WWOX: variants seen among roughly 807,000 people sequenced by gnomAD.
WWOX encodes WW domain-containing oxidoreductase.
A neutral mutation model predicts 46.2 loss-of-function variants in WWOX; 69 were observed. The ratio of observed to expected loss-of-function variants is 1.49; its 90% CI spans 1.23 to 1.82. The LOEUF (loss-of-function observed/expected upper bound fraction) is 1.82. Ranked by LOEUF, WWOX falls within the 40% of genes most tolerant of loss-of-function variation. The pLI, the probability that WWOX is intolerant of heterozygous loss-of-function variation, is 0.00. For synonymous variants in WWOX, 359 were observed against 202.6 expected (o/e 1.77, Z -6.56); for missense variants, 919 against 542.6 (o/e 1.69, Z -6.89).
At chr16:78,144,446 TACACATATATATATATACAC>T (rs1374069843) in intron 4 of WWOX, among the ~76,000 whole-genome samples, 11 of 9,954 alleles carry the variant, frequency 1.1e-3, no homozygotes, top group Non-Finnish European at 1.2e-3. Flanking sequence ...TATATATATA[TACACATATATATATATACAC>T]ACATATATAT....
At chr16:79,135,322 T>A (rs913309694) in intron 8 of WWOX, among the ~76,000 whole-genome samples, 1 of 152,228 alleles carries the variant, frequency 6.6e-6, no homozygotes, top group Admixed American at 6.5e-5. Context: ...TCTATACCTT[T>A]CCTTTTCCCA....
At chr16:79,167,851 C>T (rs1271067865) in intron 8 of WWOX, among the ~76,000 whole-genome samples, 1 of 152,168 alleles carries the variant, frequency 6.6e-6, no homozygotes, top group Non-Finnish European at 1.5e-5. Context: ...AGTTTCAAAA[C>T]TTTGTCATCA....
In WWOX at chr16:79,212,017, TCTTTG is replaced by T. The variant is rs2051778042; in HGVS notation, c.*226_*230del. On this transcript the variant is annotated 3_prime_UTR_variant, in exon 9 of 9. Transcript: ENST00000566780. ...TCTGGGGCTGGGCTAGGCATAGGTC[TCTTTG>T]CTTTCTGGTGGTGGCCTGTTTGAAA... The T allele has an allele frequency of 6.5e-7, 1 of 1,536,148 alleles. No individual in the cohort carries two copies. The highest frequency in any genetic ancestry group is 1.2e-5 in the South Asian group (1 of 84,064).
chr16:79,158,873 G>C (rs1276160120), intron 8 of WWOX, among the ~76,000 whole-genome samples: 2 of 152,184 alleles, frequency 1.3e-5, no homozygotes, highest in Admixed American at 6.5e-5. Flanking sequence ...GTGACAACAA[G>C]GACCTAGGTC....
At chr16:78,589,658 T>C (rs1597314116) in intron 8 of WWOX, among the ~76,000 whole-genome samples, 3 of 152,338 alleles carry the variant, frequency 2.0e-5, no homozygotes, top group Admixed American at 6.5e-5. Context: ...TAGCCCATAA[T>C]TGGGTGATAA....
At chr16:78,954,145 C>G (rs983886829) in intron 8 of WWOX, among the ~76,000 whole-genome samples, 1 of 152,100 alleles carries the variant, frequency 6.6e-6, no homozygotes, top group Non-Finnish European at 1.5e-5. Context: ...ATAAAAATGT[C>G]TGTCAGAGTA....
chr16:78,470,471 C>T (rs2084194997), intron 8 of WWOX, among the ~76,000 whole-genome samples: 1 of 152,182 alleles, frequency 6.6e-6, no homozygotes, highest in Admixed American at 6.5e-5. Flanking sequence ...CGATTTCATC[C>T]TCATGGGGAA....
At chr16:78,778,141 T>A (rs546935615) in intron 8 of WWOX, among the ~76,000 whole-genome samples, 147 of 152,206 alleles carry the variant, frequency 9.7e-4, no homozygotes, top group African/African-American at 3.4e-3. Context: ...AAACTGGTGA[T>A]GATCCCCACC....
At chr16:78,865,653 G>A (rs1042297988) in intron 8 of WWOX, among the ~76,000 whole-genome samples, 2 of 152,196 alleles carry the variant, frequency 1.3e-5, no homozygotes, top group Non-Finnish European at 2.9e-5. Flanking sequence ...GCTGAGGTGG[G>A]TGGATCACCT....
intron 5 of WWOX, among the ~76,000 whole-genome samples, chr16:78,166,277 A>T (rs150142789): frequency 2.6e-4 from 40 of 152,090 alleles, no homozygotes; most frequent in African/African-American, 9.6e-4. Context: ...TGCTATAACC[A>T]GTCTTCCCTT....
At chr16:78,304,816 T>C (rs1312523337) in intron 5 of WWOX, among the ~76,000 whole-genome samples, 1 of 152,228 alleles carries the variant, frequency 6.6e-6, no homozygotes, top group Non-Finnish European at 1.5e-5. Flanking sequence ...AGAGGAATTC[T>C]GTACAATATG....
At chr16:78,862,120 G>C (rs554557892) in intron 8 of WWOX, among the ~76,000 whole-genome samples, 1 of 151,806 alleles carries the variant, frequency 6.6e-6, no homozygotes, top group Non-Finnish European at 1.5e-5. Context: ...ACACCTATGG[G>C]TGTGTCTATC....
chr16:78,456,798 C>T (rs1327138670), intron 8 of WWOX, among the ~76,000 whole-genome samples: 2 of 152,162 alleles, frequency 1.3e-5, no homozygotes, highest in African/African-American at 2.4e-5. Context: ...AGTGCTGTGG[C>T]TTTTTAGTGA....
intron 8 of WWOX, among the ~76,000 whole-genome samples, chr16:78,948,901 C>CA (rs1325826747): frequency 6.6e-6 from 1 of 152,022 alleles, no homozygotes; most frequent in Non-Finnish European, 1.5e-5. Flanking sequence ...GGAAGGTGGA[C>CA]AAGAGAATCG....
At chr16:78,774,346 A>AGCCGAGATCGC (rs1487112014) in intron 8 of WWOX, among the ~76,000 whole-genome samples, 2 of 152,178 alleles carry the variant, frequency 1.3e-5, no homozygotes, top group East Asian at 3.9e-4. Flanking sequence ...GTTTTCAGTG[A>AGCCGAGATCGC]GCCGAGATCG....
intron 2 of WWOX, 128 bp downstream of exon 2, chr16:78,108,615 T>G: frequency 1.0e-6 from 1 of 972,884 alleles, no homozygotes; most frequent in Non-Finnish European, 1.6e-6. Context: ...AGACTCCCAC[T>G]CTGAGGAGCT....
At chr16:79,000,212 A>C (rs981591127) in intron 8 of WWOX, among the ~76,000 whole-genome samples, 1 of 152,160 alleles carries the variant, frequency 6.6e-6, no homozygotes, top group Admixed American at 6.5e-5. Context: ...CGTCATTGGC[A>C]GCTCATCTCA....
chr16:78,360,468 C>G (rs1015746982), intron 5 of WWOX, among the ~76,000 whole-genome samples: 6 of 151,530 alleles, frequency 4.0e-5, no homozygotes, highest in Non-Finnish European at 8.8e-5. Flanking sequence ...ACCTGTAATC[C>G]CAGATACTTG....
At chr16:79,031,765 T>C (rs968950713) in intron 8 of WWOX, among the ~76,000 whole-genome samples, 10 of 144,840 alleles carry the variant, frequency 6.9e-5, no homozygotes, top group Non-Finnish European at 4.5e-5. Context: ...TATATATATA[T>C]ATAATATATA....
Sources: allele counts gnomAD v4.1 joint callset (sites outside exome capture counted in the v4.1 genomes callset), GRCh38; gene constraint gnomAD v4.1.1; transcripts MANE v1.5; gene names NCBI Gene and HGNC (gene_info 2026-07-23, HGNC 2026-07-21).